Variants in EDRF1 observed in about 807,000 individuals in gnomAD.
EDRF1 encodes the protein erythroid differentiation-related factor 1.
Under a neutral mutation model 148.7 loss-of-function variants are expected in EDRF1, and 69 were observed. The ratio of observed to expected loss-of-function variants is 0.46; its 90% CI spans 0.38 to 0.57. The LOEUF is 0.57. Among genes scored for constraint, EDRF1 ranks in the 20% least tolerant of loss-of-function variants. The pLI, the probability that EDRF1 is intolerant of heterozygous loss-of-function variation, is 0.00. For synonymous variants in EDRF1, 515 were observed against 532.8 expected (o/e 0.97, Z 0.46); for missense variants, 1,118 against 1,478.7 (o/e 0.76, Z 4.00).
intron 18 of EDRF1, 99 bp downstream of exon 18, chr10:125,743,375 A>G (rs1296968547): frequency 1.0e-6 from 1 of 967,642 alleles, no homozygotes. Flanking sequence ...TTGATTTTAT[A>G]TCATAAAGAG....
chr10:125,726,042 G>A (rs1467178828), intron 6 of EDRF1, among the ~76,000 whole-genome samples: 1 of 152,086 alleles, frequency 6.6e-6, no homozygotes, highest in African/African-American at 2.4e-5. Flanking sequence ...AGCTATTATA[G>A]GTGGGGAGAT....
chr10:125,739,708 G>T (rs1405060499), intron 15 of EDRF1, among the ~76,000 whole-genome samples: 1 of 152,354 alleles, frequency 6.6e-6, no homozygotes, highest in Admixed American at 6.5e-5. Flanking sequence ...CCTTCAGGCT[G>T]GGGGAAGGGG....
chr10:125,749,826 A>T, intron 22 of EDRF1: 1 of 462,028 alleles, frequency 2.2e-6, no homozygotes, highest in South Asian at 2.1e-5. Flanking sequence ...AAAAAAATTG[A>T]CAAATAAATT....
Position 125,763,245 on chromosome 10 carries a change from A to G in EDRF1, c.3546-56A>G. Reference sequence around the variant, plus strand: ...ACTGTCCGGTTTTCTGGACCTCTGAATTGTCGGTAGGCATTGCTGGTCCCT... The same window carrying G: ...ACTGTCCGGTTTTCTGGACCTCTGAGTTGTCGGTAGGCATTGCTGGTCCCT... On this transcript the variant is annotated intron_variant, in intron 24 of 24. Transcript: ENST00000356792. This position sits in a 1 kb window ranked among gnomAD's most constrained non-coding sequence, Gnocchi z 4.3. 6.5e-7 allele frequency: 1 copy of G among 1,546,552 alleles called. No individual in the cohort carries two copies. The highest frequency in any genetic ancestry group is 8.9e-7 in the Non-Finnish European group (1 of 1,129,014).
In EDRF1 at chr10:125,733,612, G is replaced by A. The variant is rs1554870502; in HGVS notation, c.1277-23G>A. 1.2e-5 allele frequency: 20 copies of A among 1,611,724 alleles called. No homozygotes were observed. In the South Asian group the frequency reaches 2.1e-4, roughly 17 times the overall value. The stretch of plus-strand genomic sequence containing the variant: ...GATTTGGGTAACTGCTGTGAAATGA[G>A]TCTTCTTTGTTTTTCTTTTCAGCAA... On this transcript the variant is annotated intron_variant, in intron 10 of 24. Transcript: ENST00000356792.
intron 1 of EDRF1, among the ~76,000 whole-genome samples, chr10:125,720,926 T>C (rs986760937): frequency 1.3e-5 from 2 of 152,200 alleles, no homozygotes; most frequent in Non-Finnish European, 2.9e-5. Context: ...GCTTCTCCAC[T>C]TTACATGAAT....
At chr10:125,720,034 C>A in intron 1 of EDRF1, 119 bp downstream of exon 1, 2 of 860,180 alleles carry the variant, frequency 2.3e-6, no homozygotes, top group South Asian at 3.4e-5. Context: ...TCCCTGACAC[C>A]CCCAAAACAG....
rs570110861 is a variant in EDRF1 at position 125,719,738 on chromosome 10, T to C, written c.-70T>C. ...CGCGGAGCGTCTCTGGCGCTTACCC[T>C]GCTTTGGGCCTGCGTTGCTGCTGCT... On this transcript the variant is annotated 5_prime_UTR_variant, in exon 1 of 25. Transcript: ENST00000356792. 504 of 1,287,056 alleles carry C rather than the reference T, an allele frequency of 3.9e-4. No individual in the cohort carries two copies. The African/African-American group carries it at 6.9e-3, about 18-fold the overall frequency. The allele number at this position is 1,287,056 out of a possible 1,614,324, so 79.7% of individuals were successfully genotyped here. A position where few individuals can be genotyped will look rare whatever the true frequency, so the allele number is the denominator to read the frequency against.
Position 125,763,933 on chromosome 10 carries a change from G to A in EDRF1, c.*461G>A. The A allele has an allele frequency of 5.5e-6, 1 of 180,212 alleles. No individual in the cohort carries two copies. Among genetic ancestry groups the A allele is most frequent in the South Asian group, 1.2e-4 (1 of 8,430 alleles). 11.2% of individuals were successfully genotyped at this position (180,212 alleles called of 1,614,324 possible). ...CTTTTAAATTGTCCAGAAAAAAGGT[G>A]TGTTCTTCATAAGCTTCAGTGCAGG... On this transcript the variant is annotated 3_prime_UTR_variant, in exon 25 of 25. Coordinates refer to ENST00000356792, the MANE Select transcript of EDRF1 (RefSeq NM_001202438.2). This position sits in a 1 kb window ranked among gnomAD's most constrained non-coding sequence, Gnocchi z 4.3.
Position 125,745,709 on chromosome 10 carries a change from A to G in EDRF1, c.2593A>G (p.Ser865Gly). ...AAALQSERLV[S>G]KSVSAAEQQL... is the part of the protein sequence containing the mutation. ...GTTTTCTTTCTTTCTCTGTAAAGTGAGCAAATCTGTGTCTGCTGCCGAGCA... is the reference window on the plus strand; with the variant it reads ...GTTTTCTTTCTTTCTCTGTAAAGTGGGCAAATCTGTGTCTGCTGCCGAGCA... The change falls in exon 19 of 25, where the codon AGC becomes GGC. Residue 865 changes from serine (S) to glycine (G), a missense_variant and splice_region_variant. Around this residue, in one of 3 missense-constraint regions of EDRF1, gnomAD observed 954 missense variants for 1,241.4 expected, o/e 0.77. Coordinates refer to ENST00000356792, the MANE Select transcript of EDRF1 (RefSeq NM_001202438.2). The G allele has an allele frequency of 6.2e-7, 1 of 1,614,184 alleles. No individual in the cohort carries two copies. Among genetic ancestry groups the G allele is most frequent in the Non-Finnish European group, 8.5e-7 (1 of 1,180,012 alleles).
chr10:125,744,391 C>T (rs552615762), intron 18 of EDRF1, among the ~76,000 whole-genome samples: 37 of 152,224 alleles, frequency 2.4e-4, no homozygotes, highest in African/African-American at 7.0e-4. Context: ...GCTGGGTTGC[C>T]CAGGCTGGTC....
chr10:125,753,826 T>G lies in EDRF1; in HGVS notation c.3526T>G (p.Ser1176Ala). 2 of 1,613,080 alleles carry G rather than the reference T, an allele frequency of 1.2e-6. No homozygotes were observed. ...CCTTCAGTCCATTAAACTGCTATCT[T>G]CAACTAAAAAGAAAACAAGGTAAAT... is the stretch of plus-strand genomic sequence containing the variant. ...LLLQSIKLLS[S>A]TKKKTSNNIE... Residue 1176 changes from serine to alanine, a missense_variant, in exon 24 of 25, where the codon TCA (serine) becomes GCA (alanine). Ser to Ala is a moderately conservative substitution (Grantham distance 99). Coordinates refer to ENST00000356792, the MANE Select transcript of EDRF1 (RefSeq NM_001202438.2).
intron 17 of EDRF1, chr10:125,742,169 G>C (rs1221400373): frequency 1.6e-6 from 2 of 1,216,198 alleles, no homozygotes; most frequent in Non-Finnish European, 2.2e-6. Flanking sequence ...TTTAAAGTTA[G>C]TTCATAGCCA....
chr10:125,736,017 A>G (rs760809359), intron 13 of EDRF1, 113 bp downstream of exon 13: 69 of 1,030,366 alleles, frequency 6.7e-5, no homozygotes, highest in Middle Eastern at 3.2e-4. Context: ...ATGGTCTAGC[A>G]TCTAGTAATC....
rs147677952 is a variant in EDRF1 at position 125,725,743 on chromosome 10, A to G, written c.697A>G (p.Ser233Gly). Residue 233 changes from serine (S) to glycine (G), a missense_variant, in exon 6 of 25, where the codon AGT becomes GGT. This residue lies in a region of EDRF1 where 954 missense variants were observed against 1,241.4 expected (regional missense o/e 0.77). Coordinates refer to ENST00000356792, the MANE Select transcript of EDRF1 (RefSeq NM_001202438.2). ...CACCGCAGAACAGCAGGAATCGTCC[A>G]GTTCAGATCAGACAAATGATTCGGA... ...SSTAEQQESS[S>G]SDQTNDSEGA... 59 of 1,614,026 alleles carry G rather than the reference A, an allele frequency of 3.7e-5. No homozygotes were observed. The highest frequency in any genetic ancestry group is 4.4e-5 in the Non-Finnish European group (52 of 1,180,036).
intron 17 of EDRF1, chr10:125,742,565 GGTGTA>G: frequency 1.0e-6 from 1 of 985,202 alleles, no homozygotes; most frequent in African/African-American, 1.7e-5. Flanking sequence ...GAAAGTCCTT[GGTGTA>G]TTTTTACTAC....
chr10:125,723,646 C>T lies in EDRF1; in HGVS notation c.385-165C>T, dbSNP rs574697057. Among the ~76,000 whole-genome samples the T allele has an allele frequency of 4.6e-5, 7 of 152,230 alleles. No individual in the cohort carries two copies. In the South Asian group the frequency reaches 1.2e-3, roughly 27 times the overall value. ...GTACGTGATTCTGGTTTGAAAGCTC[C>T]GTCCTCTGTGTGTTTGCATGTAGCT... is the stretch of plus-strand genomic sequence containing the variant. On this transcript the variant is annotated intron_variant, in intron 3 of 24. Transcript: ENST00000356792.
rs542744913 is a variant in EDRF1, at chr10:125,735,604, G to T, written c.1498-40G>T. The T allele has an allele frequency of 4.3e-5, 68 of 1,597,066 alleles. No individual in the cohort carries two copies. The Admixed American group carries it at 5.5e-4, about 13-fold the overall frequency. ...TGGTAGTAAAATTCATGTATTTTTTGATGACAGTAATTTACACATATTTCT... is the reference window on the plus strand; with the variant it reads ...TGGTAGTAAAATTCATGTATTTTTTTATGACAGTAATTTACACATATTTCT... On this transcript the variant is annotated intron_variant, in intron 12 of 24. Coordinates refer to ENST00000356792, the MANE Select transcript of EDRF1 (RefSeq NM_001202438.2).
chr10:125,741,059 A>G lies in EDRF1; in HGVS notation c.2229A>G (p.Gln743=), dbSNP rs768777462. 5.6e-6 allele frequency: 9 copies of G among 1,614,008 alleles called. No individual in the cohort carries two copies. Among genetic ancestry groups the G allele is most frequent in the East Asian group, 2.2e-5 (1 of 44,868 alleles). Residue 743 remains glutamine (Q), a synonymous_variant, in exon 17 of 25, where the codon CAA becomes CAG. Transcript: ENST00000356792. ...MLSEVLLFLS[Q]YLTLCGDIQL... ...CCGAAGTGCTGTTGTTTCTCTCTCA[A>G]TATTTGACACTTTGTGGTGATATCC... is the stretch of plus-strand genomic sequence containing the variant.
Sources: gnomAD v4.1 joint callset for allele counts (sites outside exome capture counted in the v4.1 genomes callset) on GRCh38, gnomAD v4.1.1 for gene constraint, gnomAD v4.1.1 regional missense constraint, Gnocchi (gnomAD v3.1) non-coding constraint, MANE v1.5 for transcripts, NCBI Gene and HGNC (gene_info 2026-07-23, HGNC 2026-07-21) for gene names.